Variants in PCDH15 observed in about 807,000 individuals in gnomAD.
PCDH15 encodes the protein protocadherin related 15.
A neutral mutation model predicts 178.5 loss-of-function variants in PCDH15; 129 were observed. That is an observed-to-expected ratio of 0.72 (90% confidence interval 0.63 to 0.84). The LOEUF is 0.84. PCDH15 is among the 40% of genes least tolerant of loss of function. PCDH15 has a pLI of 0.00. For synonymous variants in PCDH15, 800 were observed against 732.0 expected (o/e 1.09, Z -1.50); for missense variants, 2,230 against 2,099.9 (o/e 1.06, Z -1.21).
intron 8 of PCDH15, among the ~76,000 whole-genome samples, chr10:54,239,616 C>T (rs1384275336): frequency 2.0e-5 from 3 of 151,824 alleles, no homozygotes; most frequent in Non-Finnish European, 4.4e-5. Flanking sequence ...ATAGCCCGTA[C>T]TATTTGTTTT....
chr10:53,994,386 G>C (rs1276729443), intron 21 of PCDH15, among the ~76,000 whole-genome samples: 1 of 152,046 alleles, frequency 6.6e-6, no homozygotes, highest in Non-Finnish European at 1.5e-5. Context: ...ATTACAGAGT[G>C]TTATGGTTTC....
At chr10:54,415,372 AAT>A (rs1351699972) in intron 3 of PCDH15, among the ~76,000 whole-genome samples, 1 of 152,054 alleles carries the variant, frequency 6.6e-6, no homozygotes, top group Non-Finnish European at 1.5e-5. Context: ...AATTTTTAAA[AAT>A]AGTCAATAGT....
intron 1 of PCDH15, among the ~76,000 whole-genome samples, chr10:55,254,524 G>C (rs772835486): frequency 6.6e-6 from 1 of 152,090 alleles, no homozygotes. Context: ...AAGCAAAAGA[G>C]GATTCAATTG....
At chr10:54,501,575 G>T (rs2137441105) in intron 3 of PCDH15, among the ~76,000 whole-genome samples, 1 of 152,168 alleles carries the variant, frequency 6.6e-6, no homozygotes, top group Admixed American at 6.6e-5. Flanking sequence ...TTTGATCAGT[G>T]TATATTTTGT....
chr10:53,897,210 T>C (rs1269348064), intron 26 of PCDH15, among the ~76,000 whole-genome samples: 1 of 152,120 alleles, frequency 6.6e-6, no homozygotes, highest in Non-Finnish European at 1.5e-5. Context: ...TATGGCCTCC[T>C]GACAGGCTGA....
intron 2 of PCDH15, among the ~76,000 whole-genome samples, chr10:55,015,529 G>T (rs1840152146): frequency 6.6e-6 from 1 of 152,272 alleles, no homozygotes; most frequent in African/African-American, 2.4e-5. Flanking sequence ...AGCGAGGATA[G>T]GTCCAATTGC....
At chr10:55,157,726 G>A (rs1564846888) in intron 2 of PCDH15, among the ~76,000 whole-genome samples, 1 of 151,318 alleles carries the variant, frequency 6.6e-6, no homozygotes, top group Non-Finnish European at 1.5e-5. Context: ...AACATCACAT[G>A]TTCTCACTCA....
chr10:54,635,440 G>C (rs1035497569), intron 2 of PCDH15, among the ~76,000 whole-genome samples: 15 of 151,260 alleles, frequency 9.9e-5, no homozygotes, highest in African/African-American at 2.9e-4. Flanking sequence ...TTTACAATCT[G>C]TACTGTCACC....
chr10:55,293,406 A>G (rs1259860316), intron 1 of PCDH15, among the ~76,000 whole-genome samples: 3 of 152,196 alleles, frequency 2.0e-5, no homozygotes, highest in African/African-American at 7.2e-5. Flanking sequence ...GGGGATTAAC[A>G]TTCAACTCCG....
intron 8 of PCDH15, among the ~76,000 whole-genome samples, chr10:54,263,990 G>C (rs534332107): frequency 4.9e-4 from 74 of 152,174 alleles, no homozygotes; most frequent in African/African-American, 1.6e-3. Flanking sequence ...TCCCATGCTG[G>C]ATGCTTCCAG....
chr10:54,677,309 G>C (rs1045707267), intron 1 of PCDH15, among the ~76,000 whole-genome samples: 17 of 152,130 alleles, frequency 1.1e-4, no homozygotes, highest in Non-Finnish European at 5.9e-5. Context: ...GAGCCCAGGA[G>C]TTCAAGGTTA....
chr10:55,212,833 G>A (rs1328939174), intron 1 of PCDH15, among the ~76,000 whole-genome samples: 1 of 152,032 alleles, frequency 6.6e-6, no homozygotes, highest in East Asian at 1.9e-4. Flanking sequence ...ATTGGCTATA[G>A]TCCTACTTTC....
intron 18 of PCDH15, among the ~76,000 whole-genome samples, chr10:54,062,497 A>G (rs2135763156): frequency 1.3e-5 from 2 of 152,222 alleles, no homozygotes; most frequent in South Asian, 4.1e-4. Context: ...GGTAGCAACC[A>G]TTATGAGCAT....
chr10:54,713,790 A>ATTTC (rs2095449602), intron 1 of PCDH15, among the ~76,000 whole-genome samples: 1 of 152,122 alleles, frequency 6.6e-6, no homozygotes, highest in East Asian at 1.9e-4. Flanking sequence ...AATTTACTGA[A>ATTTC]TTTCTTTCCC....
chr10:55,026,807 T>C (rs1026499075), intron 2 of PCDH15, among the ~76,000 whole-genome samples: 2 of 151,932 alleles, frequency 1.3e-5, no homozygotes, highest in South Asian at 4.1e-4. Context: ...ATCAAAATAA[T>C]AGCCAGTTAG....
intron 15 of PCDH15, among the ~76,000 whole-genome samples, chr10:54,119,122 T>C (rs2095169474): frequency 6.6e-6 from 1 of 152,140 alleles, no homozygotes; most frequent in South Asian, 2.1e-4. Flanking sequence ...AGGATTCCAC[T>C]AGATTTTAAG....
intron 1 of PCDH15, among the ~76,000 whole-genome samples, chr10:54,787,793 G>A (rs997953199): frequency 2.6e-5 from 4 of 151,936 alleles, no homozygotes; most frequent in Non-Finnish European, 4.4e-5. Context: ...CCAAATTCAT[G>A]TTTGAGCCTT....
chr10:53,990,578 G>T (rs1436121671), intron 21 of PCDH15, among the ~76,000 whole-genome samples: 1 of 149,072 alleles, frequency 6.7e-6, no homozygotes, highest in East Asian at 2.0e-4. Flanking sequence ...TTCTCACAAT[G>T]TTATATATAT....
intron 25 of PCDH15, among the ~76,000 whole-genome samples, chr10:53,932,214 C>T (rs2085122827): frequency 6.6e-6 from 1 of 152,144 alleles, no homozygotes; most frequent in African/African-American, 2.4e-5. Flanking sequence ...CCAGTTTTTG[C>T]CTTTTGCAGT....
Sources: gnomAD v4.1 joint callset for allele counts (sites outside exome capture counted in the v4.1 genomes callset) on GRCh38, gnomAD v4.1.1 for gene constraint, MANE v1.5 for transcripts, NCBI Gene and HGNC (gene_info 2026-07-23, HGNC 2026-07-21) for gene names.